The following EXOC2 variants were observed in gnomAD, a reference collection of about 807,000 sequenced individuals.
EXOC2 encodes SEC5-like 1.
A neutral mutation model predicts 131.8 loss-of-function variants in EXOC2; 70 were observed. That is an observed-to-expected ratio of 0.53 (90% CI 0.44 to 0.65). EXOC2 has a LOEUF of 0.65. EXOC2 is among the 30% of genes least tolerant of loss of function. The pLI, the probability that EXOC2 is intolerant of heterozygous loss-of-function variation, is 0.00. For missense variants in EXOC2, 923 were observed against 1,108.6 expected (o/e 0.83, Z 2.38); for synonymous variants, 411 against 398.4 (o/e 1.03, Z -0.38).
intron 23 of EXOC2, among the ~76,000 whole-genome samples, chr6:500,765 G>A (rs1014456094): frequency 6.6e-6 from 1 of 152,078 alleles, no homozygotes; most frequent in South Asian, 2.1e-4. Flanking sequence ...ATGCTGCACT[G>A]TAAAAGCATG....
Position 564,582 on chromosome 6 carries a change from A to G in EXOC2, c.1630T>C (p.Ser544Pro). 6.2e-7 allele frequency: 1 copy of G among 1,614,188 alleles called. No homozygotes were observed. The highest frequency in any genetic ancestry group is 8.5e-7 in the Non-Finnish European group (1 of 1,180,040). Residue 544 changes from serine (S) to proline (P), a missense_variant, in exon 15 of 28, where the codon TCC becomes CCC. Coordinates refer to ENST00000230449, the MANE Select transcript of EXOC2 (RefSeq NM_018303.6). Reference sequence around the variant, plus strand: ...ATGGCGTGAGCGAGCCACTGTCCGGAGAGCTCGCACTTCACCTCCCAGCCT... The same window carrying G: ...ATGGCGTGAGCGAGCCACTGTCCGGGGAGCTCGCACTTCACCTCCCAGCCT... ...YGGWEVKCELSGQWLAHAIQT... is the reference protein window; with the variant it reads ...YGGWEVKCELPGQWLAHAIQT...
At chr6:606,017 T>C (rs1760390152) in intron 7 of EXOC2, among the ~76,000 whole-genome samples, 1 of 152,134 alleles carries the variant, frequency 6.6e-6, no homozygotes, top group South Asian at 2.1e-4. Context: ...CAGTTTTGAG[T>C]GAGTTTCCAT....
chr6:547,074 C>T (rs1756904832), intron 22 of EXOC2, among the ~76,000 whole-genome samples: 1 of 152,166 alleles, frequency 6.6e-6, no homozygotes, highest in Admixed American at 6.5e-5. Flanking sequence ...GGTATCTTTC[C>T]CTATGAAGAT....
intron 1 of EXOC2, among the ~76,000 whole-genome samples, chr6:651,656 A>AAAAT (rs55863606): frequency 0.49 from 71,656 of 146,966 alleles, 19,349 homozygotes; most frequent in East Asian, 0.75. Context: ...CCGTCTCAGA[A>AAAAT]AAATAAATAA....
chr6:491,963 C>T (rs1176936745), intron 25 of EXOC2, among the ~76,000 whole-genome samples: 2 of 152,220 alleles, frequency 1.3e-5, no homozygotes, highest in Non-Finnish European at 2.9e-5. Flanking sequence ...TATCCACATG[C>T]AGAAGAATGA....
At position 599,374 on chromosome 6, in the gene EXOC2, G is replaced by T. The variant is rs1432029026; in HGVS notation, c.743-149C>A. ...TTTTCAGTTTAGGGGATCTTTTATG[G>T]TTTGCTAAAATAAAATTTCCATTTT... On this transcript the variant is annotated intron_variant, in intron 7 of 27. Transcript: ENST00000230449. 5.5e-6 allele frequency: 4 copies of T among 729,408 alleles called. No homozygotes were observed. The African/African-American group carries it at 5.6e-5, about 10-fold the overall frequency. The allele number at this position is 729,408 out of a possible 1,614,324, so 45.2% of individuals were successfully genotyped here.
At chr6:628,035 C>T (rs2127698393) in intron 4 of EXOC2, among the ~76,000 whole-genome samples, 1 of 152,236 alleles carries the variant, frequency 6.6e-6, no homozygotes, top group East Asian at 1.9e-4. Context: ...TAGTATATAT[C>T]CAAGAAGAGC....
chr6:605,203 C>A (rs1485140888), intron 7 of EXOC2, among the ~76,000 whole-genome samples: 5 of 152,172 alleles, frequency 3.3e-5, no homozygotes, highest in Admixed American at 6.5e-5. Flanking sequence ...TGGCTTTGCA[C>A]AGTGTGCAGG....
intron 23 of EXOC2, among the ~76,000 whole-genome samples, chr6:507,359 CACACACA>C (rs1764625937): frequency 3.3e-5 from 1 of 30,760 alleles, no homozygotes; most frequent in Admixed American, 3.7e-4. Context: ...GCAGTGACCC[CACACACA>C]CACACACACA....
chr6:549,364 G>A (rs2473490), intron 21 of EXOC2, 73 bp from the exon 22 acceptor site: 431,188 of 1,085,186 alleles, frequency 0.4, 89,266 homozygotes, highest in African/African-American at 0.57. Flanking sequence ...CACTTGTCAA[G>A]TTTAATTATA....
chr6:604,295 T>A lies in EXOC2; in HGVS notation c.743-5070A>T, dbSNP rs139352451. Among the ~76,000 whole-genome samples the A allele has an allele frequency of 2.2e-4, 34 of 152,284 alleles. No individual in the cohort carries two copies. In the East Asian group the frequency reaches 6.4e-3, roughly 28 times the overall value. ...ACTACTTCCTTTTCCCTATGTAACA[T>A]GTCAAACCTTCCCTGTCCCTTCACC... is the stretch of plus-strand genomic sequence containing the variant. On this transcript the variant is annotated intron_variant, in intron 7 of 27. Coordinates refer to ENST00000230449, the MANE Select transcript of EXOC2 (RefSeq NM_018303.6).
chr6:616,727 G>C (rs1179070059), intron 6 of EXOC2, among the ~76,000 whole-genome samples: 1 of 151,262 alleles, frequency 6.6e-6, no homozygotes, highest in African/African-American at 2.4e-5. Flanking sequence ...GGAAGAGGGG[G>C]GCTTATTTAT....
At chr6:668,452 C>T (rs565059701) in intron 1 of EXOC2, among the ~76,000 whole-genome samples, 5 of 152,276 alleles carry the variant, frequency 3.3e-5, no homozygotes, top group African/African-American at 9.6e-5. Flanking sequence ...CTGAAATCTG[C>T]GTTCTGTCAC....
chr6:526,396 T>C (rs1765739096), intron 23 of EXOC2, among the ~76,000 whole-genome samples: 1 of 151,950 alleles, frequency 6.6e-6, no homozygotes, highest in South Asian at 2.1e-4. Context: ...TGAACTTGTG[T>C]CTATTCTACC....
At chr6:550,246 A>T (rs1262569545) in intron 21 of EXOC2, among the ~76,000 whole-genome samples, 3 of 152,266 alleles carry the variant, frequency 2.0e-5, no homozygotes, top group Non-Finnish European at 4.4e-5. Context: ...TAACCAGAAT[A>T]ACTTACAGGA....
chr6:553,797 G>A (rs370498299), intron 21 of EXOC2, 57 bp downstream of exon 21: 46 of 1,466,980 alleles, frequency 3.1e-5, no homozygotes, highest in East Asian at 1.1e-4. Flanking sequence ...TTAGATTTGC[G>A]AAATTGTTGT....
chr6:573,808 C>T (rs1235257600), intron 12 of EXOC2, among the ~76,000 whole-genome samples: 1 of 151,948 alleles, frequency 6.6e-6, no homozygotes, highest in Admixed American at 6.6e-5. Flanking sequence ...AGTCTACCTC[C>T]TGCCCCTCCA....
chr6:575,514 T>A (rs1278148173), intron 12 of EXOC2, among the ~76,000 whole-genome samples: 1 of 151,802 alleles, frequency 6.6e-6, no homozygotes, highest in Non-Finnish European at 1.5e-5. Flanking sequence ...TCCCTCTCCA[T>A]CCTCTCCCTC....
At chr6:494,033 G>A (rs1052780795) in intron 25 of EXOC2, among the ~76,000 whole-genome samples, 2 of 152,170 alleles carry the variant, frequency 1.3e-5, no homozygotes, top group South Asian at 2.1e-4. Flanking sequence ...GCGACTGCCT[G>A]TTAATTCATC....
Sources: gnomAD v4.1 joint callset for allele counts (sites outside exome capture counted in the v4.1 genomes callset) on GRCh38, gnomAD v4.1.1 for gene constraint, MANE v1.5 for transcripts, NCBI Gene and HGNC (gene_info 2026-07-23, HGNC 2026-07-21) for gene names.